TAF2: variants seen among roughly 807,000 people sequenced by gnomAD.
The protein encoded by TAF2 is transcription initiation factor TFIID subunit 2.
In TAF2, 61 loss-of-function variants were observed where a neutral mutation model predicts 138.5. The observed-to-expected ratio is 0.44, with a 90% CI of 0.36 to 0.54. TAF2 has a LOEUF of 0.54. TAF2 is among the 20% of genes least tolerant of loss of function. The pLI is 0.00. For synonymous variants in TAF2, 475 were observed against 469.9 expected (o/e 1.01, Z -0.14); for missense variants, 1,090 against 1,427.9 (o/e 0.76, Z 3.81).
chr8:119,813,235 G>A (rs1563917083), intron 3 of TAF2, among the ~76,000 whole-genome samples: 1 of 152,110 alleles, frequency 6.6e-6, no homozygotes, highest in Admixed American at 6.5e-5. Flanking sequence ...TTGACTATTT[G>A]TATATCTTCT....
At position 119,832,468 on chromosome 8, in the gene TAF2, G is replaced by GA. The variant is rs899703362; in HGVS notation, c.83+13dup. ...AAAACCAAAAGGAAGGAAGGGAAAT[G>GA]AAAAAATACTTATAATTTATATGGC... On this transcript the variant is annotated intron_variant, in intron 1 of 25. Coordinates refer to ENST00000378164, the MANE Select transcript of TAF2 (RefSeq NM_003184.4). 1.1e-5 allele frequency: 17 copies of GA among 1,612,264 alleles called. No individual in the cohort carries two copies. In the African/African-American group the frequency reaches 2.3e-4, roughly 22 times the overall value.
intron 25 of TAF2, among the ~76,000 whole-genome samples, 194 bp from the exon 26 acceptor site, chr8:119,732,380 T>A (rs535195627): frequency 6.6e-6 from 1 of 152,212 alleles, no homozygotes; most frequent in South Asian, 2.1e-4. Flanking sequence ...GGCCAGGAAG[T>A]TGAATATATA....
intron 5 of TAF2, among the ~76,000 whole-genome samples, chr8:119,803,671 G>A (rs1824418482): frequency 6.7e-6 from 1 of 149,204 alleles, no homozygotes; most frequent in Non-Finnish European, 1.5e-5. Flanking sequence ...TCCAACAAGG[G>A]TGACAGAGCA....
chr8:119,800,579 T>G (rs573024732), intron 6 of TAF2, among the ~76,000 whole-genome samples: 1 of 152,272 alleles, frequency 6.6e-6, no homozygotes, highest in South Asian at 2.1e-4. Flanking sequence ...AGGTAGCATG[T>G]TTAAAGCTGA....
At chr8:119,745,204 T>C (rs941991491) in intron 23 of TAF2, among the ~76,000 whole-genome samples, 1 of 152,166 alleles carries the variant, frequency 6.6e-6, no homozygotes, top group South Asian at 2.1e-4. Flanking sequence ...GCTGGTCTTT[T>C]TGGGGGGAGA....
At chr8:119,747,042 T>G in intron 22 of TAF2, 108 bp from the exon 23 acceptor site, 1 of 1,115,110 alleles carries the variant, frequency 9.0e-7, no homozygotes, top group East Asian at 2.6e-5. Flanking sequence ...GAAAAACCTT[T>G]ATCACACCTT....
intron 2 of TAF2, among the ~76,000 whole-genome samples, chr8:119,820,776 C>CAT (rs1173854252): frequency 1.3e-5 from 2 of 152,132 alleles, no homozygotes; most frequent in Non-Finnish European, 2.9e-5. Context: ...AGAGGAGAGC[C>CAT]ATACACTTAA....
rs1554639747 is a variant in TAF2, at chr8:119,748,929, A to AAC, written c.2879-1997_2879-1996dup. On this transcript the variant is annotated intron_variant, in intron 22 of 25. Coordinates refer to ENST00000378164, the MANE Select transcript of TAF2 (RefSeq NM_003184.4). The stretch of plus-strand genomic sequence containing the variant: ...GCATTTTATCAGTTAAAAAAAAAAA[A>AAC]ACAAAAAACAGAACAGAACAGTTTA... Among the ~76,000 whole-genome samples, 731 of 151,290 alleles carry AAC rather than the reference A, an allele frequency of 4.8e-3. 6 individuals are homozygous for AAC. Among genetic ancestry groups the AAC allele is most frequent in the Middle Eastern group, 0.017 (5 of 288 alleles).
At position 119,746,868 on chromosome 8, in the gene TAF2, C is replaced by G. The variant is rs142223051; in HGVS notation, c.2945G>C (p.Ser982Thr). The G allele has an allele frequency of 1.7e-5, 28 of 1,614,072 alleles. 1 individual carries two copies. The East Asian group carries it at 4.0e-4, about 23-fold the overall frequency. ...VDLYFTLFGL[S>T]RPSCLPLPEL... ...TGGCAAGGGTAAACAGGAAGGTCTA[C>G]TGAGGCCAAAAAGTGTGAAGTACAA... Residue 982 changes from serine (S) to threonine (T), a missense_variant, in exon 23 of 26, where the codon AGT becomes ACT. Around this residue, in one of 3 missense-constraint regions of TAF2, gnomAD observed 580 missense variants for 719.6 expected, o/e 0.81. Coordinates refer to ENST00000378164, the MANE Select transcript of TAF2 (RefSeq NM_003184.4).
chr8:119,795,680 C>T (rs1823776036), intron 8 of TAF2, 49 bp from the exon 9 acceptor site: 2 of 1,476,614 alleles, frequency 1.4e-6, no homozygotes, highest in Non-Finnish European at 1.9e-6. Context: ...AAAAACTCCT[C>T]AGATAATGTC....
Position 119,730,932 on chromosome 8 carries a change from G to A in TAF2, c.*992C>T, listed in dbSNP as rs1818845862. 6.6e-6 allele frequency: 1 copy of A among 151,920 alleles called. No individual in the cohort carries two copies. Among genetic ancestry groups the A allele is most frequent in the Non-Finnish European group, 1.5e-5 (1 of 67,958 alleles). 9.4% of individuals were successfully genotyped at this position (151,920 alleles called of 1,614,324 possible). A position where few individuals can be genotyped will look rare whatever the true frequency, so the allele number is the denominator to read the frequency against. On this transcript the variant is annotated 3_prime_UTR_variant, in exon 26 of 26. Coordinates refer to ENST00000378164, the MANE Select transcript of TAF2 (RefSeq NM_003184.4). The stretch of plus-strand genomic sequence containing the variant: ...TTCTTAAACAAATATTAAAGCACAT[G>A]GAAAATTCAGAAATAAAAACACACC...
At position 119,776,137 on chromosome 8, in the gene TAF2, A is replaced by T. The variant is rs867178368; in HGVS notation, c.2364+1882T>A. Reference sequence around the variant, plus strand: ...GACTCCTATGTCCCTAATATGCCTTATTCTGGGAGAGACCAATGATCATAG... The same window carrying T: ...GACTCCTATGTCCCTAATATGCCTTTTTCTGGGAGAGACCAATGATCATAG... On this transcript the variant is annotated intron_variant, in intron 18 of 25. Coordinates refer to ENST00000378164, the MANE Select transcript of TAF2 (RefSeq NM_003184.4). Among the ~76,000 whole-genome samples the T allele has an allele frequency of 1.5e-3, 231 of 152,304 alleles. 2 individuals carry two copies. Among genetic ancestry groups the T allele is most frequent in the African/African-American group, 5.3e-3 (222 of 41,562 alleles).
At chr8:119,770,782 TA>T (rs1407855008) in intron 18 of TAF2, among the ~76,000 whole-genome samples, 1 of 152,098 alleles carries the variant, frequency 6.6e-6, no homozygotes, top group Non-Finnish European at 1.5e-5. Context: ...CCACTTAAAA[TA>T]TATAGAGTGG....
In TAF2 at chr8:119,819,480, G is replaced by A. The variant is rs1825688423; in HGVS notation, c.165C>T (p.Pro55=). ...VVGFVELTIF[P]TVANLNRIKL... ...TGATTCTATTCAAGTTTGCAACTGT[G>A]GGAAATATAGTCAGTTCCACAAATC... Residue 55 remains proline, a synonymous_variant, in exon 3 of 26, where the codon CCC becomes CCT. Coordinates refer to ENST00000378164, the MANE Select transcript of TAF2 (RefSeq NM_003184.4). 6.2e-7 allele frequency: 1 copy of A among 1,608,852 alleles called. No homozygotes were observed. Among genetic ancestry groups the A allele is most frequent in the East Asian group, 2.2e-5 (1 of 44,752 alleles).
chr8:119,821,801 C>A (rs1825820508), intron 2 of TAF2, among the ~76,000 whole-genome samples: 1 of 152,156 alleles, frequency 6.6e-6, no homozygotes, highest in South Asian at 2.1e-4. Context: ...CTTTGGGAGG[C>A]TGAGGCAGGA....
chr8:119,794,317 G>A (rs10088741), intron 9 of TAF2, among the ~76,000 whole-genome samples: 44,391 of 151,144 alleles, frequency 0.29, 7,466 homozygotes, highest in African/African-American at 0.46. Context: ...AATCGCTTAA[G>A]CCCGGGAGGC....
intron 16 of TAF2, among the ~76,000 whole-genome samples, chr8:119,781,495 T>C (rs1822649125): frequency 6.6e-6 from 1 of 152,068 alleles, no homozygotes; most frequent in African/African-American, 2.4e-5. Context: ...CTGGCCAACA[T>C]GGTGAAACCC....
At chr8:119,735,782 T>C (rs536647015) in intron 25 of TAF2, among the ~76,000 whole-genome samples, 2 of 152,364 alleles carry the variant, frequency 1.3e-5, no homozygotes, top group African/African-American at 4.8e-5. Flanking sequence ...TTAATTCAGA[T>C]TTTAATACAT....
intron 4 of TAF2, among the ~76,000 whole-genome samples, chr8:119,804,261 T>C (rs1824463884): frequency 6.6e-6 from 1 of 152,224 alleles, no homozygotes; most frequent in Non-Finnish European, 1.5e-5. Flanking sequence ...TTTCCCAAAA[T>C]ACACCTTTGG....
Sources: gnomAD v4.1 joint callset for allele counts (sites outside exome capture counted in the v4.1 genomes callset) on GRCh38, gnomAD v4.1.1 for gene constraint, gnomAD v4.1.1 regional missense constraint, MANE v1.5 for transcripts, NCBI Gene and HGNC (gene_info 2026-07-23, HGNC 2026-07-21) for gene names.